The following AGPAT5 variants were observed in gnomAD, a reference collection of about 807,000 sequenced individuals.
AGPAT5 encodes the protein 1-acyl-sn-glycerol-3-phosphate acyltransferase epsilon.
A neutral mutation model predicts 45.6 loss-of-function variants in AGPAT5; 46 were observed. The observed-to-expected ratio is 1.01, with a 90% CI of 0.80 to 1.29. The LOEUF (loss-of-function observed/expected upper bound fraction) is 1.29, where lower values mean the gene tolerates loss of function less well. Ranked by LOEUF, AGPAT5 falls within the 50% of genes most tolerant of loss-of-function variation. The probability of loss-of-function intolerance (pLI) is 0.00; values close to 1 mark genes in which losing one functional copy is unlikely to be tolerated. For synonymous variants in AGPAT5, 272 were observed against 167.0 expected (o/e 1.63, Z -4.85); for missense variants, 673 against 450.7 (o/e 1.49, Z -4.47).
At chr8:6,730,952 T>G (rs992510648) in intron 3 of AGPAT5, 126 bp downstream of exon 3, 2 of 512,810 alleles carry the variant, frequency 3.9e-6, no homozygotes, top group South Asian at 7.7e-5. Flanking sequence ...CACTGCAGCC[T>G]TGACCTCTGG....
chr8:6,742,287 G>A (rs937121694), intron 5 of AGPAT5, among the ~76,000 whole-genome samples: 3 of 152,184 alleles, frequency 2.0e-5, no homozygotes, highest in African/African-American at 7.2e-5. Flanking sequence ...CACAAAGTTG[G>A]TCCACAGTGC....
intron 1 of AGPAT5, 170 bp downstream of exon 1, chr8:6,709,057 C>G (rs1028686597): frequency 1.3e-6 from 1 of 742,662 alleles, no homozygotes; most frequent in African/African-American, 1.7e-5. Flanking sequence ...TGCCGTTCTG[C>G]CGAGATCGCT....
At chr8:6,741,471 C>T (rs187331757) in intron 4 of AGPAT5, among the ~76,000 whole-genome samples, 190 bp from the exon 5 acceptor site, 39 of 152,204 alleles carry the variant, frequency 2.6e-4, no homozygotes, top group Admixed American at 3.9e-4. Flanking sequence ...ATATAGTTCA[C>T]GTTATGTTCA....
At chr8:6,710,303 C>T (rs1380720736) in intron 1 of AGPAT5, among the ~76,000 whole-genome samples, 1 of 152,174 alleles carries the variant, frequency 6.6e-6, no homozygotes, top group East Asian at 1.9e-4. Flanking sequence ...GTTCAGAGAT[C>T]CGATTTACTT....
At chr8:6,735,660 A>G (rs1221219425) in intron 4 of AGPAT5, among the ~76,000 whole-genome samples, 1 of 148,050 alleles carries the variant, frequency 6.8e-6, no homozygotes, top group African/African-American at 2.5e-5. Flanking sequence ...GGTCTAAGAA[A>G]AGTCATGAAT....
chr8:6,720,168 C>T (rs1361754525), intron 1 of AGPAT5, among the ~76,000 whole-genome samples: 2 of 152,094 alleles, frequency 1.3e-5, no homozygotes, highest in Admixed American at 6.6e-5. Context: ...ATAGTGTCCA[C>T]CAGGATGACC....
chr8:6,734,077 C>G (rs556922737), intron 4 of AGPAT5, among the ~76,000 whole-genome samples: 1 of 152,172 alleles, frequency 6.6e-6, no homozygotes, highest in Non-Finnish European at 1.5e-5. Context: ...AAAATTTTTA[C>G]CTGGATTGGT....
At chr8:6,716,641 C>T (rs1800340835) in intron 1 of AGPAT5, among the ~76,000 whole-genome samples, 1 of 152,116 alleles carries the variant, frequency 6.6e-6, no homozygotes, top group Admixed American at 6.6e-5. Flanking sequence ...CGAGATCAGC[C>T]TGACCAACAT....
At chr8:6,725,334 T>C (rs982610788) in intron 2 of AGPAT5, among the ~76,000 whole-genome samples, 1 of 152,258 alleles carries the variant, frequency 6.6e-6, no homozygotes, top group Non-Finnish European at 1.5e-5. Flanking sequence ...GGTATGTAAG[T>C]ACTCGTTTCC....
In AGPAT5 at chr8:6,719,677, C is replaced by T. The variant is rs529209961; in HGVS notation, c.220-5193C>T. 2.0e-5 allele frequency among the ~76,000 whole-genome samples: 3 copies of T among 152,296 alleles called. No individual in the cohort carries two copies. The East Asian group carries it at 5.8e-4, about 29-fold the overall frequency. On this transcript the variant is annotated intron_variant, in intron 1 of 7. Coordinates refer to ENST00000285518, the MANE Select transcript of AGPAT5 (RefSeq NM_018361.5). ...ATGGGTAGCCTCCAGCTTTACCACCCAAACAAGCTAAGAAAAACTGTTGGA... is the reference window on the plus strand; with the variant it reads ...ATGGGTAGCCTCCAGCTTTACCACCTAAACAAGCTAAGAAAAACTGTTGGA...
chr8:6,709,093 C>A (rs1322391174), intron 1 of AGPAT5: 3 of 651,592 alleles, frequency 4.6e-6, no homozygotes, highest in Admixed American at 2.4e-5. Context: ...GCTGCGTCGT[C>A]CTGAGGCTAC....
At position 6,741,804 on chromosome 8, in the gene AGPAT5, T is replaced by G. The variant is rs183702643; in HGVS notation, c.586+53T>G. ...AATAATTTTCAAAGATAATAACATT[T>G]TTAGTTTTTCTTCCTGGAAAAGATA... On this transcript the variant is annotated intron_variant, in intron 5 of 7. Coordinates refer to ENST00000285518, the MANE Select transcript of AGPAT5 (RefSeq NM_018361.5). 2.3e-5 allele frequency: 33 copies of G among 1,419,728 alleles called. No homozygotes were observed. The East Asian group carries it at 6.9e-4, about 29-fold the overall frequency. The allele number at this position is 1,419,728 out of a possible 1,614,324, so 87.9% of individuals were successfully genotyped here.
At chr8:6,741,591 C>G in intron 4 of AGPAT5, 70 bp from the exon 5 acceptor site, 1 of 1,117,642 alleles carries the variant, frequency 8.9e-7, no homozygotes, top group Non-Finnish European at 1.3e-6. Flanking sequence ...GTAGGTTTAG[C>G]TTTTTTAGGT....
chr8:6,747,413 C>T (rs569939539), intron 5 of AGPAT5, among the ~76,000 whole-genome samples: 25 of 152,274 alleles, frequency 1.6e-4, no homozygotes, highest in African/African-American at 5.8e-4. Flanking sequence ...GAAGCGTTTC[C>T]GCTAGGCCAT....
At chr8:6,746,181 C>G (rs1281060565) in intron 5 of AGPAT5, 1 of 152,340 alleles carries the variant, frequency 6.6e-6, no homozygotes, top group East Asian at 1.9e-4. Flanking sequence ...GCCACCGCGC[C>G]CGGCTCCGTG....
chr8:6,743,078 G>A (rs1017319369), intron 5 of AGPAT5, among the ~76,000 whole-genome samples: 1 of 152,152 alleles, frequency 6.6e-6, no homozygotes, highest in African/African-American at 2.4e-5. Flanking sequence ...GGTCTGATTT[G>A]AAATTCTCTC....
chr8:6,713,350 C>T (rs1474667504), intron 1 of AGPAT5, among the ~76,000 whole-genome samples: 1 of 152,138 alleles, frequency 6.6e-6, no homozygotes, highest in Non-Finnish European at 1.5e-5. Context: ...ATATATTTTA[C>T]ATTAGTGGCT....
intron 4 of AGPAT5, among the ~76,000 whole-genome samples, chr8:6,738,761 TTGAGTACG>T (rs1330780944): frequency 6.6e-6 from 1 of 152,232 alleles, no homozygotes; most frequent in African/African-American, 2.4e-5. Context: ...AGTATCTTTT[TTGAGTACG>T]TGTGTTTTTT....
At chr8:6,742,961 C>T (rs1260161249) in intron 5 of AGPAT5, among the ~76,000 whole-genome samples, 1 of 152,132 alleles carries the variant, frequency 6.6e-6, no homozygotes, top group East Asian at 1.9e-4. Context: ...CTCTTTTGCC[C>T]TTTTCACATT....
Sources: gnomAD v4.1 joint callset for allele counts (sites outside exome capture counted in the v4.1 genomes callset) on GRCh38, gnomAD v4.1.1 for gene constraint, MANE v1.5 for transcripts, NCBI Gene and HGNC (gene_info 2026-07-23, HGNC 2026-07-21) for gene names.